Variants in THOC3 observed in about 807,000 individuals in gnomAD.
The protein encoded by THOC3 is TEX1 homolog.
THOC3 carries 4 observed loss-of-function variants against 23.3 expected under a neutral mutation model. The observed-to-expected ratio is 0.17, with a 90% CI of 0.08 to 0.39. The LOEUF (loss-of-function observed/expected upper bound fraction) is 0.39, where lower values mean the gene tolerates loss of function less well. Ranked by LOEUF, THOC3 falls within the 10% of genes least tolerant of loss-of-function variation. THOC3 has a pLI of 1.00. For synonymous variants in THOC3, 27 were observed against 141.5 expected, an observed-to-expected ratio of 0.19 and a Z score of 5.74; for missense variants, 64 against 359.4, an observed-to-expected ratio of 0.18 and a Z score of 6.65.
At position 175,965,080 on chromosome 5, in the gene THOC3, AAG is replaced by A; in HGVS notation, c.498_499del (p.Phe167TyrfsTer2). On this transcript the variant is annotated frameshift_variant, in exon 3 of 6. Transcript: ENST00000265097. LOFTEE classifies it high-confidence loss of function. ...GGAACGGTGTGTCTTGGCATCAATA[AAG>A]GTCACCACATCATCCTTGTTGCCTA... The A allele has an allele frequency of 6.3e-7, 1 of 1,580,802 alleles. No homozygotes were observed. The highest frequency in any genetic ancestry group is 1.2e-5 in the South Asian group (1 of 85,762).
At chr5:175,961,887 T>C (rs1315682498) in intron 3 of THOC3, among the ~76,000 whole-genome samples, 2 of 151,984 alleles carry the variant, frequency 1.3e-5, no homozygotes, top group African/African-American at 4.8e-5. Flanking sequence ...CGTAAATAAG[T>C]TGTAATAAAA....
rs1211009509 is a variant in THOC3 at position 175,968,312 on chromosome 5, C to T, written c.-104G>A. 1.3e-6 allele frequency: 2 copies of T among 1,530,098 alleles called. No homozygotes were observed. Among genetic ancestry groups the T allele is most frequent in the East Asian group, 2.4e-5 (1 of 40,866 alleles). 94.8% of individuals were successfully genotyped at this position (1,530,098 alleles called of 1,614,324 possible). ...CATGCGCCCGGAAGAGCGACGGCCC[C>T]TCTGCGCAGGCGCGCTGTACCCCGC... is the stretch of plus-strand genomic sequence containing the variant. On this transcript the variant is annotated 5_prime_UTR_variant, in exon 1 of 6. Coordinates refer to ENST00000265097, the MANE Select transcript of THOC3 (RefSeq NM_032361.4).
intron 2 of THOC3, among the ~76,000 whole-genome samples, chr5:175,965,536 C>T (rs1174624980): frequency 1.3e-5 from 2 of 152,236 alleles, no homozygotes; most frequent in Non-Finnish European, 2.9e-5. Flanking sequence ...GCCATTCTCT[C>T]GCCTCAGCCT....
At chr5:175,965,609 T>C (rs1756750387) in intron 2 of THOC3, among the ~76,000 whole-genome samples, 1 of 152,238 alleles carries the variant, frequency 6.6e-6, no homozygotes, top group Non-Finnish European at 1.5e-5. Context: ...GTATTTTTAG[T>C]AGAGACGGGG....
chr5:175,960,640 G>C (rs1756644239), intron 5 of THOC3: 1 of 127,564 alleles, frequency 7.8e-6, no homozygotes, highest in Non-Finnish European at 1.6e-5. Flanking sequence ...TCTATTTCCA[G>C]CTTCTGTTGT....
At position 175,962,421 on chromosome 5, in the gene THOC3, T is replaced by TACACACGC. The variant is rs1554089928; in HGVS notation, c.630-988_630-987insGCGTGTGT. ...TTTTATCTTTAAATATATATATATA[T>TACACACGC]ACACACACACACACACACACACGTA... On this transcript the variant is annotated intron_variant, in intron 3 of 5. Transcript: ENST00000265097. 2.6e-3 allele frequency among the ~76,000 whole-genome samples: 115 copies of TACACACGC among 44,186 alleles called. 5 individuals carry two copies. The highest frequency in any genetic ancestry group is 8.5e-3 in the African/African-American group (114 of 13,366). The allele number at this position is 44,186 out of a possible 152,430, so 29.0% of individuals were successfully genotyped here.
At chr5:175,963,077 A>T (rs1467154710) in intron 3 of THOC3, among the ~76,000 whole-genome samples, 3 of 140,346 alleles carry the variant, frequency 2.1e-5, no homozygotes, top group African/African-American at 7.9e-5. Context: ...ATGATTCTTT[A>T]AAAAAAAAAC....
At chr5:175,960,342 C>T (rs1756639024) in intron 5 of THOC3, 1 of 215,112 alleles carries the variant, frequency 4.6e-6, no homozygotes, top group Non-Finnish European at 9.3e-6. Flanking sequence ...TGGGTTAACT[C>T]AAGAGCAGGT....
At chr5:175,963,961 T>C (rs532944888) in intron 3 of THOC3, among the ~76,000 whole-genome samples, 15 of 152,300 alleles carry the variant, frequency 9.8e-5, no homozygotes, top group Admixed American at 5.9e-4. Flanking sequence ...GTCTGTTCTT[T>C]CCGTGGAATT....
Position 175,963,383 on chromosome 5 carries a change from T to A in THOC3, c.629+1568A>T, listed in dbSNP as rs866073845. Among the ~76,000 whole-genome samples the A allele has an allele frequency of 8.6e-3, 1,304 of 152,026 alleles. 1 individual carries two copies. The highest frequency in any genetic ancestry group is 0.03 in the African/African-American group (1,227 of 41,252). On this transcript the variant is annotated intron_variant, in intron 3 of 5. Transcript: ENST00000265097. The stretch of plus-strand genomic sequence containing the variant: ...AAGACATATCAATTTTTTTTTTTTT[T>A]AATGAGCAAAACTAGGGTATCTAGG...
intron 2 of THOC3, among the ~76,000 whole-genome samples, chr5:175,965,429 A>G (rs538702365): frequency 1.5e-3 from 224 of 152,306 alleles, no homozygotes; most frequent in African/African-American, 5.1e-3. Flanking sequence ...AGGAAATAGG[A>G]GATAAGACGA....
At chr5:175,963,397 AG>A in intron 3 of THOC3, among the ~76,000 whole-genome samples, 1 of 152,336 alleles carries the variant, frequency 6.6e-6, no homozygotes, top group South Asian at 2.1e-4. Context: ...GAGCAAAACT[AG>A]GGTATCTAGG....
chr5:175,963,324 C>T (rs1244996334), intron 3 of THOC3, among the ~76,000 whole-genome samples: 6 of 151,762 alleles, frequency 4.0e-5, no homozygotes, highest in African/African-American at 7.3e-5. Flanking sequence ...GCTACGTTTT[C>T]GGAAGTTTCT....
chr5:175,964,857 C>G, intron 3 of THOC3, 94 bp downstream of exon 3: 2 of 577,104 alleles, frequency 3.5e-6, no homozygotes, highest in South Asian at 4.1e-5. Context: ...GTGTTTTAAG[C>G]TCCTTCAGGA....
intron 1 of THOC3, chr5:175,967,521 C>G (rs1581131250): frequency 4.4e-6 from 1 of 228,686 alleles, no homozygotes; most frequent in Non-Finnish European, 8.2e-6. Flanking sequence ...CACCCTTACT[C>G]TACCACCAAC....
At chr5:175,962,417 T>TACAC (rs775994149) in intron 3 of THOC3, among the ~76,000 whole-genome samples, 2 of 42,570 alleles carry the variant, frequency 4.7e-5, no homozygotes, top group African/African-American at 1.6e-4. Context: ...AATATATATA[T>TACAC]ATATACACAC....
At chr5:175,965,295 A>G (rs1239672180) in intron 2 of THOC3, 140 bp from the exon 3 acceptor site, 1 of 1,435,606 alleles carries the variant, frequency 7.0e-7, no homozygotes, top group South Asian at 1.4e-5. Flanking sequence ...GGGAGCTACC[A>G]CTTATGATTC....
intron 3 of THOC3, among the ~76,000 whole-genome samples, chr5:175,962,509 A>G (rs1410399531): frequency 1.8e-5 from 2 of 113,948 alleles, no homozygotes; most frequent in Non-Finnish European, 3.5e-5. Context: ...TCAGTAAAAG[A>G]ATGTAAGGCT....
chr5:175,966,729 T>G (rs1482260637), intron 2 of THOC3, among the ~76,000 whole-genome samples: 39 of 151,412 alleles, frequency 2.6e-4, no homozygotes, highest in Non-Finnish European at 4.4e-4. Context: ...TCTCCATGCC[T>G]TTGCACATGC....
Sources: allele counts gnomAD v4.1 joint callset (sites outside exome capture counted in the v4.1 genomes callset), GRCh38; gene constraint gnomAD v4.1.1; transcripts MANE v1.5; gene names NCBI Gene and HGNC (gene_info 2026-07-23, HGNC 2026-07-21).